CIPC: variants seen among roughly 807,000 people sequenced by gnomAD.
CIPC encodes the protein CLOCK-interacting pacemaker.
A neutral mutation model predicts 26.7 loss-of-function variants in CIPC; 12 were observed. The ratio of observed to expected loss-of-function variants is 0.45; its 90% confidence interval spans 0.29 to 0.73. CIPC has a LOEUF of 0.73. Among genes scored for constraint, CIPC ranks in the 30% least tolerant of loss-of-function variants. The pLI is 0.12. For synonymous variants in CIPC, 170 were observed against 189.8 expected, an observed-to-expected ratio of 0.90 and a Z score of 0.86; for missense variants, 417 against 486.5, an observed-to-expected ratio of 0.86 and a Z score of 1.34.
In CIPC at chr14:77,109,885, C is replaced by T; in HGVS notation, c.210C>T (p.Ser70=). 1 of 1,614,168 alleles carries T rather than the reference C, an allele frequency of 6.2e-7. No homozygotes were observed. Among genetic ancestry groups the T allele is most frequent in the Non-Finnish European group, 8.5e-7 (1 of 1,180,022 alleles). ...ACATGCTGAGCGCCTTAGGCTGGAG[C>T]AGAGAAGACAGGCCGAGGCAGAACT... is the stretch of plus-strand genomic sequence containing the variant. ...SEDMLSALGW[S]REDRPRQNSK... The change falls in exon 3 of 4, where the codon AGC becomes AGT. Residue 70 remains serine (S), a synonymous_variant. Coordinates refer to ENST00000361786, the MANE Select transcript of CIPC (RefSeq NM_033426.3).
At chr14:77,103,066 C>T (rs1470961290) in intron 1 of CIPC, among the ~76,000 whole-genome samples, 3 of 152,150 alleles carry the variant, frequency 2.0e-5, no homozygotes, top group Non-Finnish European at 4.4e-5. Context: ...TAGGATTAAA[C>T]GTGTGACCTG....
chr14:77,108,869 A>G (rs1295612252), intron 2 of CIPC, among the ~76,000 whole-genome samples: 1 of 152,108 alleles, frequency 6.6e-6, no homozygotes, highest in Non-Finnish European at 1.5e-5. Context: ...CTGATACTCA[A>G]ATTGTCTCAA....
In CIPC at chr14:77,112,855, C is replaced by T. The variant is rs138174759; in HGVS notation, c.307-570C>T. Among the ~76,000 whole-genome samples, 1,108 of 152,168 alleles carry T rather than the reference C, an allele frequency of 7.3e-3. 7 individuals are homozygous for T. Among genetic ancestry groups the T allele is most frequent in the African/African-American group, 0.022 (919 of 41,502 alleles). On this transcript the variant is annotated intron_variant, in intron 3 of 3. Transcript: ENST00000361786. Reference sequence around the variant, plus strand: ...CCTCCCAAGTAGCTGGGACTACAGGCGCACACCACCAAGCCCAGCTAATTT... The same window carrying T: ...CCTCCCAAGTAGCTGGGACTACAGGTGCACACCACCAAGCCCAGCTAATTT...
chr14:77,107,264 A>G (rs959807215), intron 2 of CIPC, among the ~76,000 whole-genome samples: 4 of 152,208 alleles, frequency 2.6e-5, no homozygotes, highest in Non-Finnish European at 4.4e-5. Context: ...TATTTCCAGT[A>G]CTGTTGACAT....
chr14:77,111,431 C>T (rs924621277), intron 3 of CIPC, among the ~76,000 whole-genome samples: 2 of 152,144 alleles, frequency 1.3e-5, no homozygotes, highest in Non-Finnish European at 2.9e-5. Context: ...TAGAATCTAG[C>T]GTATTCTAAA....
At chr14:77,111,311 CAA>C (rs1371468758) in intron 3 of CIPC, among the ~76,000 whole-genome samples, 2 of 152,156 alleles carry the variant, frequency 1.3e-5, no homozygotes, top group African/African-American at 4.8e-5. Context: ...TTCTTTAAGA[CAA>C]AGACCCGCCA....
chr14:77,113,326 T>TTG, intron 3 of CIPC, 99 bp from the exon 4 acceptor site: 2 of 1,272,178 alleles, frequency 1.6e-6, no homozygotes, highest in Non-Finnish European at 1.1e-6. Flanking sequence ...GAAATTGTTC[T>TTG]AAGCATTTGA....
intron 3 of CIPC, 103 bp downstream of exon 3, chr14:77,110,084 A>T (rs1040575087): frequency 1.7e-6 from 2 of 1,196,566 alleles, no homozygotes; most frequent in African/African-American, 3.0e-5. Context: ...GAGATTTTAG[A>T]AACAGACCAT....
Position 77,113,886 on chromosome 14 carries a change from T to A in CIPC, c.768T>A (p.Ser256Arg). Residue 256 changes from serine to arginine, a missense_variant, in exon 4 of 4, where the codon AGT becomes AGA. Ser to Arg is a moderately radical substitution (Grantham distance 110, BLOSUM62 -1). Coordinates refer to ENST00000361786, the MANE Select transcript of CIPC (RefSeq NM_033426.3). Reference protein sequence around the residue: ...VSSSHVAKAPSLTFASPASPV... With the variant: ...VSSSHVAKAPRLTFASPASPV... ...GCAGTCACGTGGCTAAAGCTCCCAG[T>A]CTGACCTTCGCTTCCCCCGCCAGTC... 1 of 1,614,154 alleles carries A rather than the reference T, an allele frequency of 6.2e-7. No individual in the cohort carries two copies. Among genetic ancestry groups the A allele is most frequent in the Non-Finnish European group, 8.5e-7 (1 of 1,180,036 alleles).
rs181786407 is a variant in CIPC at position 77,106,404 on chromosome 14, G to T, written c.136+560G>T. On this transcript the variant is annotated intron_variant, in intron 2 of 3. Transcript: ENST00000361786. ...GCTCTAAACTTGAGTATCTATTAGA[G>T]ATAAGAAAATAGAACAGTTTTCCTT... Among the ~76,000 whole-genome samples the T allele has an allele frequency of 3.7e-3, 571 of 152,328 alleles. 3 individuals are homozygous for T. Among genetic ancestry groups the T allele is most frequent in the Non-Finnish European group, 4.7e-3 (317 of 68,030 alleles).
intron 3 of CIPC, among the ~76,000 whole-genome samples, chr14:77,113,188 C>T (rs1490720793): frequency 6.6e-6 from 1 of 152,126 alleles, no homozygotes; most frequent in Non-Finnish European, 1.5e-5. Context: ...ATTTATTTTT[C>T]TGAGTGATAG....
At position 77,114,009 on chromosome 14, in the gene CIPC, G is replaced by T. The variant is rs779136379; in HGVS notation, c.891G>T (p.Glu297Asp). 6.2e-7 allele frequency: 1 copy of T among 1,614,238 alleles called. No homozygotes were observed. Among genetic ancestry groups the T allele is most frequent in the South Asian group, 1.1e-5 (1 of 91,080 alleles). ...ATAGCTCACCTTTATGGGCTGCAGA[G>T]CACCTCTGCCGCAGCCCAGATATCT... ...ANYSSPLWAA[E>D]HLCRSPDIFS... The change falls in exon 4 of 4, where the codon GAG becomes GAT. Residue 297 changes from glutamate to aspartate, a missense_variant. Physicochemically the swap from Glu to Asp is conservative, Grantham distance 45. Coordinates refer to ENST00000361786, the MANE Select transcript of CIPC (RefSeq NM_033426.3).
At position 77,113,588 on chromosome 14, in the gene CIPC, T is replaced by G. The variant is rs1315991089; in HGVS notation, c.470T>G (p.Leu157Arg). The G allele has an allele frequency of 9.9e-6, 16 of 1,614,238 alleles. No individual in the cohort carries two copies. Among genetic ancestry groups the G allele is most frequent in the Non-Finnish European group, 1.4e-5 (16 of 1,180,048 alleles). The change falls in exon 4 of 4, where the codon CTG becomes CGG. Residue 157 changes from leucine to arginine, a missense_variant. Coordinates refer to ENST00000361786, the MANE Select transcript of CIPC (RefSeq NM_033426.3). ...GACTCCAGGAACTACTTGCCCATTC[T>G]GAATTCTTACACCAAAATAGCCCCA... ...KSDSRNYLPILNSYTKIAPHP... is the reference protein window; with the variant it reads ...KSDSRNYLPIRNSYTKIAPHP...
intron 1 of CIPC, among the ~76,000 whole-genome samples, chr14:77,103,174 T>A (rs1183258076): frequency 1.3e-5 from 2 of 152,248 alleles, no homozygotes. Context: ...GAATTGTGTT[T>A]AAAATTCATT....
intron 2 of CIPC, among the ~76,000 whole-genome samples, chr14:77,108,993 G>T (rs536503004): frequency 2.8e-4 from 43 of 152,162 alleles, no homozygotes; most frequent in Non-Finnish European, 4.0e-4. Context: ...GGCTCATCTC[G>T]TATCTTCCCT....
chr14:77,107,652 A>ACT (rs750719193), intron 2 of CIPC, among the ~76,000 whole-genome samples: 42 of 116,082 alleles, frequency 3.6e-4, no homozygotes, highest in Non-Finnish European at 8.4e-4. Context: ...ACACACACAC[A>ACT]CACACACTCT....
chr14:77,108,698 A>G (rs1454865545), intron 2 of CIPC, among the ~76,000 whole-genome samples: 1 of 152,192 alleles, frequency 6.6e-6, no homozygotes, highest in Admixed American at 6.5e-5. Context: ...TCTCAAAAAA[A>G]AAAAGGGGGT....
chr14:77,103,447 A>G (rs970358957), intron 1 of CIPC, among the ~76,000 whole-genome samples: 14 of 152,222 alleles, frequency 9.2e-5, no homozygotes, highest in Non-Finnish European at 1.8e-4. Context: ...TCAGGAGTGC[A>G]TCGTGAATTA....
Position 77,113,515 on chromosome 14 carries a change from C to T in CIPC, c.397C>T (p.Pro133Ser), listed in dbSNP as rs754991735. 1.9e-6 allele frequency: 3 copies of T among 1,614,190 alleles called. No individual in the cohort carries two copies. The highest frequency in any genetic ancestry group is 1.1e-5 in the South Asian group (1 of 91,084). The change falls in exon 4 of 4, where the codon CCT becomes TCT. Residue 133 changes from proline to serine, a missense_variant. Physicochemically the swap from Pro to Ser is moderately conservative, Grantham distance 74 (BLOSUM62 -1). Coordinates refer to ENST00000361786, the MANE Select transcript of CIPC (RefSeq NM_033426.3). ...AQPQLLFLHP[P>S]VPSPVSPCHT... is the part of the protein sequence containing the mutation. ...GCCACAGCTCTTATTCCTTCATCCACCTGTACCATCTCCTGTCAGTCCATG... is the reference window on the plus strand; with the variant it reads ...GCCACAGCTCTTATTCCTTCATCCATCTGTACCATCTCCTGTCAGTCCATG...
Sources: gnomAD v4.1 joint callset for allele counts (sites outside exome capture counted in the v4.1 genomes callset) on GRCh38, gnomAD v4.1.1 for gene constraint, MANE v1.5 for transcripts, NCBI Gene and HGNC (gene_info 2026-07-23, HGNC 2026-07-21) for gene names.